OFD1: variants seen among roughly 807,000 people sequenced by gnomAD.
OFD1 encodes the protein centriole and centriolar satellite protein OFD1.
Under a neutral mutation model 81.4 loss-of-function variants are expected in OFD1, and 12 were observed. That is an observed-to-expected ratio of 0.15 (90% CI 0.09 to 0.24). OFD1 has a LOEUF of 0.24. Among genes scored for constraint, OFD1 ranks in the 10% least tolerant of loss-of-function variants. OFD1 has a pLI of 1.00. For missense variants in OFD1, 685 were observed against 733.9 expected, an observed-to-expected ratio of 0.93 and a Z score of 0.77; for synonymous variants, 256 against 263.7, an observed-to-expected ratio of 0.97 and a Z score of 0.28.
downstream of OFD1, chrX:13,772,511 C>T (rs1032189926): frequency 7.3e-6 from 1 of 137,563 alleles, no homozygotes; most frequent in Non-Finnish European, 1.4e-5. Flanking sequence ...TGATGCTGGG[C>T]ATGTCACAGG....
At chrX:13,756,096 G>A (rs1438893986) in intron 12 of OFD1, among the ~76,000 whole-genome samples, 1 of 108,651 alleles carries the variant, frequency 9.2e-6, no homozygotes, top group African/African-American at 3.4e-5. Context: ...TGGGATTTCA[G>A]CCATGTGCCA....
intron 3 of OFD1, chrX:13,738,599 A>G: frequency 3.2e-6 from 1 of 308,739 alleles, no homozygotes; most frequent in Admixed American, 5.4e-5. Context: ...TAGGCATATC[A>G]TCTTTGATGT....
intron 6 of OFD1, among the ~76,000 whole-genome samples, chrX:13,745,685 T>G (rs1377217061): frequency 8.9e-6 from 1 of 112,083 alleles, no homozygotes; most frequent in African/African-American, 3.3e-5. Flanking sequence ...TATACACGGT[T>G]GAGATTGTAC....
chrX:13,761,006 T>C (rs1347603484), intron 16 of OFD1, 79 bp from the exon 17 acceptor site: 13 of 1,118,530 alleles, frequency 1.2e-5, no homozygotes, highest in Non-Finnish European at 1.6e-5. Context: ...TTCAAACTAG[T>C]AGAGCTCTTT....
At chrX:13,772,361 A>C (rs1340630134), downstream of OFD1, 2 of 112,424 alleles carry the variant, frequency 1.8e-5, no homozygotes, top group African/African-American at 6.5e-5. Flanking sequence ...AATCAATCAT[A>C]AGAATCACAT....
chrX:13,738,805 A>C (rs1427136898), intron 3 of OFD1, 41 bp from the exon 4 acceptor site: 1 of 763,908 alleles, frequency 1.3e-6, no homozygotes, highest in African/African-American at 2.1e-5. Context: ...TTAAACACTG[A>C]TATAAAAATA....
At chrX:13,740,307 C>G (rs1401327759) in intron 5 of OFD1, 6 of 467,668 alleles carry the variant, frequency 1.3e-5, no homozygotes, top group South Asian at 5.1e-5. Context: ...AATGTGGTAG[C>G]TGCTATCCTC....
intron 8 of OFD1, 25 bp downstream of exon 8, chrX:13,746,978 G>T: frequency 8.4e-7 from 1 of 1,187,938 alleles, no homozygotes; most frequent in Non-Finnish European, 1.1e-6. Flanking sequence ...TATTTTATGG[G>T]TGGCTATTTC....
the OFD1 span, among the ~76,000 whole-genome samples, chrX:13,724,400 T>TAAAAAA: frequency 1.2e-5 from 1 of 82,326 alleles, no homozygotes; most frequent in African/African-American, 4.5e-5. Context: ...AATATATATT[T>TAAAAAA]AAAAAAAAAA....
At chrX:13,761,904 C>CTTTTTTTT (rs747167069) in intron 17 of OFD1, among the ~76,000 whole-genome samples, 4 of 68,957 alleles carry the variant, frequency 5.8e-5, no homozygotes, top group African/African-American at 1.2e-4. Context: ...AGTCCTAAAG[C>CTTTTTTTT]TTTTTTTTTT....
downstream of OFD1, chrX:13,771,984 T>G (rs1038416489): frequency 2.8e-4 from 32 of 112,544 alleles, no homozygotes; most frequent in African/African-American, 1.0e-3. Context: ...AAAAATGGTT[T>G]AGAATGGTGG....
chrX:13,754,638 C>T (rs2047633296), intron 11 of OFD1, among the ~76,000 whole-genome samples: 1 of 108,951 alleles, frequency 9.2e-6, no homozygotes, highest in Non-Finnish European at 1.9e-5. Context: ...GAACTCGTGA[C>T]CTCAGGTGGT....
the OFD1 span, among the ~76,000 whole-genome samples, chrX:13,724,326 C>T: frequency 1.9e-5 from 2 of 105,468 alleles, no homozygotes; most frequent in African/African-American, 7.0e-5. Context: ...AACATAAAAA[C>T]GGGACCAGAA....
chrX:13,772,574 A>C (rs902421724), downstream of OFD1: 1 of 238,581 alleles, frequency 4.2e-6, no homozygotes, highest in African/African-American at 2.8e-5. Context: ...TATTCCATTG[A>C]GTGTCTTGGT....
Position 13,735,288 on chromosome X carries a change from A to C in OFD1, c.53A>C (p.Glu18Ala), listed in dbSNP as rs1185798273. ...GTGGCTGATGTGTTGAGTCAAGATGAACTGCGCAAAAAGCTATACCAGACG... is the reference window on the plus strand; with the variant it reads ...GTGGCTGATGTGTTGAGTCAAGATGCACTGCGCAAAAAGCTATACCAGACG... Reference protein sequence around the residue: ...FTVADVLSQDELRKKLYQTFK... With the variant: ...FTVADVLSQDALRKKLYQTFK... The change falls in exon 2 of 23, where the codon GAA becomes GCA. Residue 18 changes from glutamate (E) to alanine (A), a missense_variant. Around this residue, in one of 3 missense-constraint regions of OFD1, gnomAD observed 414 missense variants for 447.2 expected, o/e 0.93. Coordinates refer to ENST00000340096, the MANE Select transcript of OFD1 (RefSeq NM_003611.3). 3.3e-6 allele frequency: 4 copies of C among 1,211,750 alleles called. No homozygotes were observed. Among genetic ancestry groups the C allele is most frequent in the Admixed American group, 4.3e-5 (2 of 46,072 alleles).
chrX:13,761,212 GTAAGTA>G lies in OFD1; in HGVS notation c.2387+5_2387+10del. Reference sequence around the variant, plus strand: ...CCAGCCCTCCGGAGCAGAAAGTGGGGTAAGTATAACGTTCTGATTGATTAGCTTCAG... The same window carrying G: ...CCAGCCCTCCGGAGCAGAAAGTGGGGTAACGTTCTGATTGATTAGCTTCAG... On this transcript the variant is annotated splice_donor_variant and splice_donor_5th_base_variant and intron_variant, in intron 17 of 22. Coordinates refer to ENST00000340096, the MANE Select transcript of OFD1 (RefSeq NM_003611.3). LOFTEE classifies it high-confidence loss of function. The G allele has an allele frequency of 1.7e-6, 2 of 1,210,264 alleles. No homozygotes were observed. Among genetic ancestry groups the G allele is most frequent in the Non-Finnish European group, 1.1e-6 (1 of 894,708 alleles).
At chrX:13,759,816 G>T (rs964657066) in intron 15 of OFD1, among the ~76,000 whole-genome samples, 1 of 112,080 alleles carries the variant, frequency 8.9e-6, no homozygotes, top group Non-Finnish European at 1.9e-5. Flanking sequence ...AGTCTGGTTG[G>T]GCTTTGCCAC....
chrX:13,721,957 C>T, the OFD1 span: 1 of 109,776 alleles, frequency 9.1e-6, no homozygotes, highest in Admixed American at 9.8e-5. Context: ...AATGTTTGCC[C>T]CTGTTTTAGG....
chrX:13,730,070 T>C (rs1399122505), upstream of OFD1, among the ~76,000 whole-genome samples: 2 of 111,099 alleles, frequency 1.8e-5, no homozygotes, highest in Non-Finnish European at 1.9e-5. Context: ...AATAGACAGA[T>C]GGGATCTAAT....
Sources: gnomAD v4.1 joint callset for allele counts (sites outside exome capture counted in the v4.1 genomes callset) on GRCh38, gnomAD v4.1.1 for gene constraint, gnomAD v4.1.1 regional missense constraint, MANE v1.5 for transcripts, NCBI Gene and HGNC (gene_info 2026-07-23, HGNC 2026-07-21) for gene names.